The following ATF7IP2 variants were observed in gnomAD, a reference collection of about 807,000 sequenced individuals.
ATF7IP2 encodes activating transcription factor 7-interacting protein 2.
Under a neutral mutation model 64.2 loss-of-function variants are expected in ATF7IP2, and 42 were observed. That is an observed-to-expected ratio of 0.65 (90% CI 0.51 to 0.85). The LOEUF (loss-of-function observed/expected upper bound fraction) is 0.85, where lower values mean the gene tolerates loss of function less well. ATF7IP2 is among the 40% of genes least tolerant of loss of function. The pLI, the probability that ATF7IP2 is intolerant of heterozygous loss-of-function variation, is 0.00. For synonymous variants in ATF7IP2, 308 were observed against 272.8 expected (o/e 1.13, Z -1.27); for missense variants, 933 against 784.2 (o/e 1.19, Z -2.27).
chr16:10,414,747 G>A (rs532479271), intron 2 of ATF7IP2, 135 bp downstream of exon 2: 1 of 151,980 alleles, frequency 6.6e-6, no homozygotes, highest in African/African-American at 2.4e-5. Flanking sequence ...CATTTGGGTA[G>A]GCTCTGTCAG....
chr16:10,410,466 T>C (rs929531133), intron 1 of ATF7IP2, among the ~76,000 whole-genome samples: 1 of 152,204 alleles, frequency 6.6e-6, no homozygotes, highest in African/African-American at 2.4e-5. Context: ...TACTGATTTG[T>C]GTATAGTAAC....
At chr16:10,471,271 T>C (rs1047115474) in intron 9 of ATF7IP2, among the ~76,000 whole-genome samples, 3 of 152,182 alleles carry the variant, frequency 2.0e-5, no homozygotes, top group African/African-American at 7.2e-5. Flanking sequence ...CTCACACCTG[T>C]AATCCCAGCA....
intron 6 of ATF7IP2, among the ~76,000 whole-genome samples, chr16:10,437,586 A>G (rs890677064): frequency 4.6e-5 from 7 of 152,228 alleles, no homozygotes; most frequent in African/African-American, 1.7e-4. Context: ...CAACAAGGAA[A>G]ATGAAGCTCA....
chr16:10,472,275 A>C (rs1382681677), intron 10 of ATF7IP2, 92 bp downstream of exon 10: 2 of 584,122 alleles, frequency 3.4e-6, no homozygotes, highest in Non-Finnish European at 5.7e-6. Flanking sequence ...AATATCTTTT[A>C]ATAAAATGAA....
In ATF7IP2 at chr16:10,457,135, C is replaced by A. The variant is rs1261233713; in HGVS notation, c.1195-237C>A. Among the ~76,000 whole-genome samples, 8 of 152,016 alleles carry A rather than the reference C, an allele frequency of 5.3e-5. No individual in the cohort carries two copies. In the East Asian group the frequency reaches 1.3e-3, roughly 26 times the overall value. ...CTAAGTACCTGAACATTTGTTTTTC[C>A]TTCTTTCCATCCAAGCTAGGAAGTT... On this transcript the variant is annotated intron_variant, in intron 8 of 13. Coordinates refer to ENST00000562102, the MANE Select transcript of ATF7IP2 (RefSeq NM_001393719.1).
At chr16:10,439,529 C>T (rs1448267727) in intron 7 of ATF7IP2, among the ~76,000 whole-genome samples, 1 of 140,828 alleles carries the variant, frequency 7.1e-6, no homozygotes, top group East Asian at 2.2e-4. Flanking sequence ...CCACCGCCCC[C>T]AGCCTTTTTT....
chr16:10,401,154 A>T (rs1360707463), intron 1 of ATF7IP2, among the ~76,000 whole-genome samples: 1 of 152,006 alleles, frequency 6.6e-6, no homozygotes, highest in Non-Finnish European at 1.5e-5. Flanking sequence ...CCGCTTGATT[A>T]TGGTTTATTT....
At chr16:10,399,852 A>G (rs71379090) in intron 1 of ATF7IP2, among the ~76,000 whole-genome samples, 5,456 of 152,128 alleles carry the variant, frequency 0.036, 141 homozygotes, top group Non-Finnish European at 0.054. Context: ...GTCAGCTACA[A>G]TTTCTTTTGT....
intron 1 of ATF7IP2, among the ~76,000 whole-genome samples, chr16:10,405,648 G>A (rs906345460): frequency 6.6e-6 from 1 of 152,120 alleles, no homozygotes; most frequent in Non-Finnish European, 1.5e-5. Flanking sequence ...CAAACCACCT[G>A]ACCACAGGAA....
At chr16:10,418,408 G>A (rs1195224111) in intron 2 of ATF7IP2, among the ~76,000 whole-genome samples, 3 of 152,160 alleles carry the variant, frequency 2.0e-5, no homozygotes, top group Non-Finnish European at 4.4e-5. Flanking sequence ...TTGGGGGCCT[G>A]TTCCCAACAT....
intron 8 of ATF7IP2, chr16:10,445,342 G>A (rs1017180675): frequency 1.3e-5 from 2 of 152,108 alleles, no homozygotes; most frequent in Admixed American, 6.6e-5. Context: ...GTGGTAGGGG[G>A]AGGAAGGCAA....
chr16:10,390,652 G>A (rs913500599), intron 1 of ATF7IP2, among the ~76,000 whole-genome samples: 7 of 152,120 alleles, frequency 4.6e-5, no homozygotes, highest in Admixed American at 4.6e-4. Flanking sequence ...AGCCAGCCAT[G>A]GAGGGACACA....
chr16:10,428,569 T>C (rs2048142127), intron 3 of ATF7IP2, among the ~76,000 whole-genome samples: 2 of 152,172 alleles, frequency 1.3e-5, no homozygotes, highest in African/African-American at 4.8e-5. Context: ...GTGGGATGTG[T>C]TTGTGATTCA....
At position 10,473,540 on chromosome 16, in the gene ATF7IP2, T is replaced by A; in HGVS notation, c.1482+6T>A. 2 of 1,529,362 alleles carry A rather than the reference T, an allele frequency of 1.3e-6. No homozygotes were observed. The highest frequency in any genetic ancestry group is 4.6e-5 in the East Asian group (2 of 43,882). The allele number at this position is 1,529,362 out of a possible 1,614,324, so 94.7% of individuals were successfully genotyped here. A position where few individuals can be genotyped will look rare whatever the true frequency, so the allele number is the denominator to read the frequency against. On this transcript the variant is annotated splice_donor_region_variant and intron_variant, in intron 11 of 13. Transcript: ENST00000562102. ...CTCCCAATGCTGAAGTTATGGTGAGTAATAAATATTGACTCTGAATATTGT... is the reference window on the plus strand; with the variant it reads ...CTCCCAATGCTGAAGTTATGGTGAGAAATAAATATTGACTCTGAATATTGT...
chr16:10,436,435 CAT>C (rs946352948), intron 6 of ATF7IP2, among the ~76,000 whole-genome samples: 20 of 151,728 alleles, frequency 1.3e-4, no homozygotes, highest in Admixed American at 8.5e-4. Context: ...CATTTGCTCA[CAT>C]GTTTAAAAGT....
intron 8 of ATF7IP2, 91 bp from the exon 9 acceptor site, chr16:10,457,281 A>G (rs757903803): frequency 9.0e-6 from 10 of 1,115,554 alleles, no homozygotes; most frequent in Admixed American, 2.5e-5. Flanking sequence ...TGCCATATGT[A>G]TGCAAGAATA....
intron 1 of ATF7IP2, chr16:10,387,506 A>G (rs2047225467): frequency 6.6e-6 from 1 of 152,198 alleles, no homozygotes; most frequent in Non-Finnish European, 1.5e-5. Flanking sequence ...TACATCTTGA[A>G]TGTTCTGCTT....
intron 8 of ATF7IP2, among the ~76,000 whole-genome samples, chr16:10,441,305 A>G (rs576337646): frequency 6.0e-4 from 92 of 152,324 alleles, no homozygotes; most frequent in African/African-American, 1.9e-3. Flanking sequence ...TTCTGGTTCT[A>G]TAGATCCTTG....
At chr16:10,401,980 T>TTTA (rs2047544673) in intron 1 of ATF7IP2, among the ~76,000 whole-genome samples, 1 of 152,240 alleles carries the variant, frequency 6.6e-6, no homozygotes, top group Admixed American at 6.5e-5. Context: ...TCTGATTTTG[T>TTTA]TTATTTGGAC....
Sources: allele counts gnomAD v4.1 joint callset (sites outside exome capture counted in the v4.1 genomes callset), GRCh38; gene constraint gnomAD v4.1.1; transcripts MANE v1.5; gene names NCBI Gene and HGNC (gene_info 2026-07-23, HGNC 2026-07-21).